PABIR2: variants seen among roughly 807,000 people sequenced by gnomAD.
PABIR2 encodes the protein family with sequence similarity 122B.
PABIR2 carries 7 observed loss-of-function variants against 22.8 expected under a neutral mutation model. The ratio of observed to expected loss-of-function variants is 0.31; its 90% CI spans 0.17 to 0.58. The LOEUF is 0.58. Ranked by LOEUF, PABIR2 falls within the 20% of genes least tolerant of loss-of-function variation. The pLI, the probability that PABIR2 is intolerant of heterozygous loss-of-function variation, is 0.89. For synonymous variants in PABIR2, 67 were observed against 73.8 expected (o/e 0.91, Z 0.47); for missense variants, 155 against 205.1 (o/e 0.76, Z 1.49).
At chrX:134,778,718 G>C (rs2079070911) in intron 9 of PABIR2, among the ~76,000 whole-genome samples, 1 of 111,000 alleles carries the variant, frequency 9.0e-6, no homozygotes, top group Non-Finnish European at 1.9e-5. Flanking sequence ...TGAATTTTGA[G>C]TAACAGATTT....
intron 1 of PABIR2, 22 bp from the exon 2 acceptor site, chrX:134,793,915 AAAC>A: frequency 8.4e-7 from 1 of 1,187,108 alleles, no homozygotes; most frequent in Non-Finnish European, 1.1e-6. Context: ...AAAAACAAAC[AAAC>A]AAAAAAAACA....
intron 2 of PABIR2, among the ~76,000 whole-genome samples, chrX:134,792,741 A>C (rs1414199548): frequency 8.9e-6 from 1 of 112,424 alleles, no homozygotes; most frequent in Non-Finnish European, 1.9e-5. Flanking sequence ...TGGGAAAAAT[A>C]TCTTTGCCCT....
At position 134,772,098 on chromosome X, in the gene PABIR2, T is replaced by C. The variant is rs757911001; in HGVS notation, c.*41A>G. On this transcript the variant is annotated 3_prime_UTR_variant, in exon 10 of 10. Transcript: ENST00000343004. Reference sequence around the variant, plus strand: ...TGCGTTCCCCACTAAACATTTTATGTAGGAAACAGCAGTTAAAACGTTGAA... The same window carrying C: ...TGCGTTCCCCACTAAACATTTTATGCAGGAAACAGCAGTTAAAACGTTGAA... 7.8e-6 allele frequency: 9 copies of C among 1,159,730 alleles called. No individual in the cohort carries two copies. In the South Asian group the frequency reaches 1.6e-4, roughly 21 times the overall value.
At chrX:134,789,521 TTAAAA>T (rs1294739751) in intron 3 of PABIR2, 54 bp downstream of exon 3, 1 of 1,048,525 alleles carries the variant, frequency 9.5e-7, no homozygotes, top group Non-Finnish European at 1.3e-6. Context: ...ATCTACGTCT[TTAAAA>T]TAAAAATGTA....
intron 6 of PABIR2, among the ~76,000 whole-genome samples, chrX:134,788,456 T>TACAC (rs761979999): frequency 3.2e-5 from 3 of 93,081 alleles, no homozygotes; most frequent in African/African-American, 5.7e-5. Context: ...GTGTTATATA[T>TACAC]GTTATATATG....
intron 7 of PABIR2, 43 bp from the exon 8 acceptor site, chrX:134,785,993 G>A (rs375375113): frequency 7.6e-5 from 86 of 1,137,035 alleles, no homozygotes; most frequent in Non-Finnish European, 9.6e-5. Flanking sequence ...GAACATCCAC[G>A]ATGCAAGATA....
intron 9 of PABIR2, among the ~76,000 whole-genome samples, chrX:134,775,619 A>G (rs2078955632): frequency 9.0e-6 from 1 of 110,842 alleles, no homozygotes. Flanking sequence ...AAACAGTCCA[A>G]TGATAAAGTA....
At position 134,784,390 on chromosome X, in the gene PABIR2, G is replaced by A. The variant is rs368687429; in HGVS notation, c.562+1496C>T. On this transcript the variant is annotated intron_variant, in intron 8 of 9. Coordinates refer to ENST00000343004, the MANE Select transcript of PABIR2 (RefSeq NM_001387468.1). The stretch of plus-strand genomic sequence containing the variant: ...TGAGGCAAGAGAATCGCTGAGCCCA[G>A]GAGGTGGAGGTTGCAGTGAGCCAAG... Among the ~76,000 whole-genome samples the A allele has an allele frequency of 7.8e-4, 86 of 110,713 alleles. No individual in the cohort carries two copies. The East Asian group carries it at 0.018, about 24-fold the overall frequency.
intron 8 of PABIR2, among the ~76,000 whole-genome samples, chrX:134,784,188 G>A (rs918808136): frequency 1.8e-5 from 2 of 110,036 alleles, no homozygotes; most frequent in Non-Finnish European, 3.8e-5. Context: ...CTGTGTTGCC[G>A]GCTGGGCGTG....
intron 6 of PABIR2, among the ~76,000 whole-genome samples, chrX:134,788,081 G>A (rs955034995): frequency 1.9e-5 from 2 of 104,295 alleles, no homozygotes; most frequent in Admixed American, 1.1e-4. Context: ...TAATATACAC[G>A]TTATATGTGT....
Position 134,772,119 on chromosome X carries a change from T to C in PABIR2, c.*20A>G, listed in dbSNP as rs771304244. ...TATGTAGGAAACAGCAGTTAAAACG[T>C]TGAATCAGAAATGGTTAAGTCACTT... On this transcript the variant is annotated 3_prime_UTR_variant, in exon 10 of 10. Coordinates refer to ENST00000343004, the MANE Select transcript of PABIR2 (RefSeq NM_001387468.1). 2 of 1,177,966 alleles carry C rather than the reference T, an allele frequency of 1.7e-6. No individual in the cohort carries two copies. Among genetic ancestry groups the C allele is most frequent in the East Asian group, 6.1e-5 (2 of 32,964 alleles).
chrX:134,789,155 G>A lies in PABIR2; in HGVS notation c.279-16C>T, dbSNP rs1430602787. 3.3e-6 allele frequency: 4 copies of A among 1,210,460 alleles called. No homozygotes were observed. The highest frequency in any genetic ancestry group is 4.5e-6 in the Non-Finnish European group (4 of 895,331). ...TTGCATTTCCCTAAAATAAACAAAG[G>A]GAAGGGCCGTCAGTGTTTACAAACA... On this transcript the variant is annotated splice_polypyrimidine_tract_variant and intron_variant, in intron 4 of 9. Coordinates refer to ENST00000343004, the MANE Select transcript of PABIR2 (RefSeq NM_001387468.1).
intron 7 of PABIR2, among the ~76,000 whole-genome samples, chrX:134,786,553 G>T (rs766996172): frequency 8.9e-6 from 1 of 111,876 alleles, no homozygotes; most frequent in South Asian, 3.7e-4. Flanking sequence ...GGATTTGATT[G>T]ATCTATGAAC....
chrX:134,792,340 T>G (rs1412941204), intron 2 of PABIR2, among the ~76,000 whole-genome samples: 1 of 112,312 alleles, frequency 8.9e-6, no homozygotes, highest in African/African-American at 3.2e-5. Flanking sequence ...TCTTCTCATC[T>G]TACAAAAGAG....
At chrX:134,796,037 G>T in intron 1 of PABIR2, 71 bp downstream of exon 1, 1 of 1,041,504 alleles carries the variant, frequency 9.6e-7, no homozygotes. Context: ...GCACTTTAAG[G>T]AAGGAAGATT....
chrX:134,775,138 T>G (rs1461402340), intron 9 of PABIR2, among the ~76,000 whole-genome samples: 1 of 111,915 alleles, frequency 8.9e-6, no homozygotes, highest in African/African-American at 3.2e-5. Flanking sequence ...TCTGGACAAT[T>G]CAAATTGGAC....
intron 1 of PABIR2, among the ~76,000 whole-genome samples, chrX:134,795,413 C>T (rs950397650): frequency 1.8e-5 from 2 of 111,380 alleles, no homozygotes; most frequent in African/African-American, 6.5e-5. Flanking sequence ...CCAACCTAAC[C>T]TTCACTATTA....
At chrX:134,782,348 T>C (rs1206714130) in intron 8 of PABIR2, among the ~76,000 whole-genome samples, 3 of 112,284 alleles carry the variant, frequency 2.7e-5, no homozygotes, top group Non-Finnish European at 5.6e-5. Context: ...GGTTTAAAAA[T>C]GTGTAGTCTG....
At chrX:134,786,139 T>C (rs779776167) in intron 7 of PABIR2, among the ~76,000 whole-genome samples, 189 bp from the exon 8 acceptor site, 7 of 112,212 alleles carry the variant, frequency 6.2e-5, no homozygotes, top group Non-Finnish European at 1.1e-4. Flanking sequence ...CCTGGAATAA[T>C]ACAGCATTTT....
Sources: gnomAD v4.1 joint callset for allele counts (sites outside exome capture counted in the v4.1 genomes callset) on GRCh38, gnomAD v4.1.1 for gene constraint, MANE v1.5 for transcripts, NCBI Gene and HGNC (gene_info 2026-07-23, HGNC 2026-07-21) for gene names.